The following GRID1 variants were observed in gnomAD, a reference collection of about 807,000 sequenced individuals.
GRID1 encodes the protein glutamate ionotropic receptor delta type subunit 1.
A neutral mutation model predicts 98.0 loss-of-function variants in GRID1; 28 were observed. The ratio of observed to expected loss-of-function variants is 0.29; its 90% confidence interval spans 0.21 to 0.39. The LOEUF (loss-of-function observed/expected upper bound fraction) is 0.39. Ranked by LOEUF, GRID1 falls within the 10% of genes least tolerant of loss-of-function variation. The pLI, the probability that GRID1 is intolerant of heterozygous loss-of-function variation, is 1.00. For synonymous variants in GRID1, 553 were observed against 538.5 expected, an observed-to-expected ratio of 1.03 and a Z score of -0.37; for missense variants, 1,111 against 1,340.5, an observed-to-expected ratio of 0.83 and a Z score of 2.67.
intron 4 of GRID1, among the ~76,000 whole-genome samples, chr10:85,946,212 A>C (rs1842051960): frequency 1.3e-5 from 2 of 152,204 alleles, no homozygotes; most frequent in Non-Finnish European, 2.9e-5. Flanking sequence ...TCCCCATTTC[A>C]TTACAAGGTA....
At chr10:86,203,750 G>A (rs1208550381) in intron 3 of GRID1, among the ~76,000 whole-genome samples, 2 of 151,850 alleles carry the variant, frequency 1.3e-5, no homozygotes, top group East Asian at 3.9e-4. Context: ...GAGAACCCCA[G>A]CTCTGGGGTT....
chr10:85,777,901 T>G (rs1003879231), intron 8 of GRID1, among the ~76,000 whole-genome samples: 1 of 152,140 alleles, frequency 6.6e-6, no homozygotes, highest in Admixed American at 6.5e-5. Flanking sequence ...TTAGTCCTAA[T>G]TAAAACTAGG....
At chr10:85,697,903 T>C (rs561579974) in intron 12 of GRID1, among the ~76,000 whole-genome samples, 1 of 152,300 alleles carries the variant, frequency 6.6e-6, no homozygotes, top group South Asian at 2.1e-4. Flanking sequence ...ACTTCACTTA[T>C]GCCAGCGATG....
chr10:85,679,181 A>T (rs2132594075), intron 12 of GRID1, among the ~76,000 whole-genome samples: 1 of 152,256 alleles, frequency 6.6e-6, no homozygotes, highest in East Asian at 1.9e-4. Flanking sequence ...TCAACCCCAG[A>T]CAGACACATC....
intron 2 of GRID1, among the ~76,000 whole-genome samples, chr10:86,309,412 G>T (rs146855418): frequency 3.3e-5 from 5 of 152,346 alleles, no homozygotes; most frequent in African/African-American, 7.2e-5. Context: ...GGCATAGTTT[G>T]CAGGGAGTTA....
chr10:85,718,133 T>A (rs1416212032), intron 12 of GRID1, among the ~76,000 whole-genome samples: 1 of 152,176 alleles, frequency 6.6e-6, no homozygotes, highest in Non-Finnish European at 1.5e-5. Context: ...CATTCTGTGG[T>A]CAGGAGGATG....
intron 2 of GRID1, among the ~76,000 whole-genome samples, chr10:86,253,273 C>G (rs1338365357): frequency 6.6e-6 from 1 of 152,250 alleles, no homozygotes; most frequent in Non-Finnish European, 1.5e-5. Flanking sequence ...CATCGGAGGC[C>G]TGCTCTTGGG....
intron 8 of GRID1, among the ~76,000 whole-genome samples, chr10:85,730,663 T>C (rs553975462): frequency 6.6e-6 from 1 of 152,274 alleles, no homozygotes; most frequent in African/African-American, 2.4e-5. Context: ...ATTTAATTGG[T>C]CTGTAGTGGA....
At chr10:85,911,685 C>T (rs1433316358) in intron 5 of GRID1, among the ~76,000 whole-genome samples, 2 of 152,150 alleles carry the variant, frequency 1.3e-5, no homozygotes, top group African/African-American at 2.4e-5. Context: ...ATGGAAGCTG[C>T]CCAGCAACAA....
chr10:85,698,985 G>C (rs944442136), intron 12 of GRID1, among the ~76,000 whole-genome samples: 1 of 152,122 alleles, frequency 6.6e-6, no homozygotes, highest in African/African-American at 2.4e-5. Context: ...TTTTTAAACA[G>C]GTGGTTGGTA....
rs866806887 is a variant in GRID1, at chr10:85,794,774, C to T, written c.1233+59722G>A. 3.3e-5 allele frequency among the ~76,000 whole-genome samples: 5 copies of T among 152,106 alleles called. No individual in the cohort carries two copies. In the South Asian group the frequency reaches 8.3e-4, roughly 25 times the overall value. Reference sequence around the variant, plus strand: ...AAGGCAGCTGATGTGGAGATAAGACCCTGCATTTGCCTCCTGTAATCATAA... The same window carrying T: ...AAGGCAGCTGATGTGGAGATAAGACTCTGCATTTGCCTCCTGTAATCATAA... On this transcript the variant is annotated intron_variant, in intron 8 of 15. Coordinates refer to ENST00000327946, the MANE Select transcript of GRID1 (RefSeq NM_017551.3).
rs567792503 is a variant in GRID1 at position 86,095,347 on chromosome 10, A to G, written c.726+43472T>C. On this transcript the variant is annotated intron_variant, in intron 4 of 15. Transcript: ENST00000327946. ...AAGCAAATGCAATAAAAACAAAGAT[A>G]AAAAGCTGGGAACTAATTGAACTAA... Among the ~76,000 whole-genome samples, 5 of 152,318 alleles carry G rather than the reference A, an allele frequency of 3.3e-5. No homozygotes were observed. In the East Asian group the frequency reaches 9.6e-4, roughly 29 times the overall value.
At chr10:86,363,505 G>A (rs980782353) in intron 2 of GRID1, among the ~76,000 whole-genome samples, 1 of 152,208 alleles carries the variant, frequency 6.6e-6, no homozygotes, top group African/African-American at 2.4e-5. Context: ...TCCAGCCGCT[G>A]GGCGCTCCTC....
chr10:86,324,768 T>C (rs111841835), intron 2 of GRID1, among the ~76,000 whole-genome samples: 3 of 146,588 alleles, frequency 2.0e-5, no homozygotes, highest in African/African-American at 5.1e-5. Context: ...GTTATGCTAA[T>C]AAAATCTTCA....
At chr10:86,353,246 G>A (rs749794183) in intron 2 of GRID1, among the ~76,000 whole-genome samples, 12 of 152,214 alleles carry the variant, frequency 7.9e-5, no homozygotes, top group Non-Finnish European at 1.8e-4. Context: ...TCTCCTGTGG[G>A]TGCTGGGATG....
chr10:86,042,922 C>A (rs922402353), intron 4 of GRID1, among the ~76,000 whole-genome samples: 5 of 151,892 alleles, frequency 3.3e-5, no homozygotes, highest in Non-Finnish European at 5.9e-5. Context: ...CCCATCTCTA[C>A]AAAAAAGTAA....
chr10:85,921,901 A>G (rs572841793), intron 4 of GRID1, among the ~76,000 whole-genome samples: 1 of 152,106 alleles, frequency 6.6e-6, no homozygotes, highest in Non-Finnish European at 1.5e-5. Flanking sequence ...TCAATACAAC[A>G]TCTCCTCTGC....
intron 4 of GRID1, among the ~76,000 whole-genome samples, chr10:86,088,264 T>A (rs969774640): frequency 6.6e-5 from 10 of 151,470 alleles, no homozygotes; most frequent in African/African-American, 2.4e-4. Context: ...AAGACAACAA[T>A]GGGATAAAAG....
At chr10:86,078,873 G>C (rs1843924399) in intron 4 of GRID1, among the ~76,000 whole-genome samples, 1 of 152,230 alleles carries the variant, frequency 6.6e-6, no homozygotes, top group South Asian at 2.1e-4. Flanking sequence ...GAGCCAGCAA[G>C]GGTTTCCTCT....
Sources: allele counts gnomAD v4.1 joint callset (sites outside exome capture counted in the v4.1 genomes callset), GRCh38; gene constraint gnomAD v4.1.1; transcripts MANE v1.5; gene names NCBI Gene and HGNC (gene_info 2026-07-23, HGNC 2026-07-21).